CCDC192: variants seen among roughly 807,000 people sequenced by gnomAD.
CCDC192 encodes the protein coiled-coil domain containing 192.
At position 127,838,719 on chromosome 5, in the gene CCDC192, A is replaced by G. The variant is rs536365589; in HGVS notation, c.412-36819A>G. 2.0e-5 allele frequency: 3 copies of G among 152,336 alleles called. No individual in the cohort carries two copies. In the South Asian group the frequency reaches 6.2e-4, roughly 32 times the overall value. 9.4% of individuals were successfully genotyped at this position (152,336 alleles called of 1,614,324 possible). The stretch of plus-strand genomic sequence containing the variant: ...TGAAAAAGAAAATGAGGCTCAGAAG[A>G]TCAAGAGCGCTAAAAATGTACACAT... On this transcript the variant is annotated intron_variant, in intron 5 of 6. Coordinates refer to ENST00000514853, the MANE Select transcript of CCDC192 (RefSeq NM_001317938.2).
At chr5:127,824,022 A>G (rs1196591921) in intron 5 of CCDC192, among the ~76,000 whole-genome samples, 2 of 152,194 alleles carry the variant, frequency 1.3e-5, no homozygotes, top group African/African-American at 4.8e-5. Flanking sequence ...AAGGTTTCTA[A>G]CCATGAAGCA....
At chr5:127,885,850 T>C (rs1216955374) in intron 6 of CCDC192, among the ~76,000 whole-genome samples, 1 of 152,158 alleles carries the variant, frequency 6.6e-6, no homozygotes, top group East Asian at 1.9e-4. Context: ...TAATTTACTA[T>C]GGTATTCTAA....
chr5:127,797,775 A>ATATATATATTTATT (rs1757259786), intron 4 of CCDC192, among the ~76,000 whole-genome samples: 1 of 127,494 alleles, frequency 7.8e-6, no homozygotes. Flanking sequence ...ATATATATAT[A>ATATATATATTTATT]TATTTATTTA....
At chr5:127,756,932 G>C (rs1331560437) in intron 3 of CCDC192, among the ~76,000 whole-genome samples, 4 of 152,182 alleles carry the variant, frequency 2.6e-5, no homozygotes, top group Non-Finnish European at 4.4e-5. Context: ...TTCACAAATA[G>C]CTCCTAATAT....
At chr5:127,901,915 T>C (rs13187008) in intron 6 of CCDC192, among the ~76,000 whole-genome samples, 31,891 of 152,138 alleles carry the variant, frequency 0.21, 3,492 homozygotes, top group East Asian at 0.33. Context: ...CCCAAGTAAA[T>C]TGTGATGAAT....
At chr5:127,846,929 A>T (rs1392788607) in intron 5 of CCDC192, among the ~76,000 whole-genome samples, 1 of 151,662 alleles carries the variant, frequency 6.6e-6, no homozygotes, top group Non-Finnish European at 1.5e-5. Context: ...CCTTGGAAAA[A>T]GGTCGATTAA....
At chr5:127,819,296 A>G (rs1236180529) in intron 5 of CCDC192, among the ~76,000 whole-genome samples, 1 of 152,140 alleles carries the variant, frequency 6.6e-6, no homozygotes, top group East Asian at 1.9e-4. Context: ...AAAGAACTTC[A>G]GGGCTTGGGT....
chr5:127,736,674 A>C (rs1753017804), intron 2 of CCDC192, among the ~76,000 whole-genome samples: 1 of 151,916 alleles, frequency 6.6e-6, no homozygotes, highest in South Asian at 2.1e-4. Context: ...GTATGTGTCC[A>C]GGAATTTATC....
At chr5:127,766,233 T>A (rs897167328) in intron 3 of CCDC192, among the ~76,000 whole-genome samples, 1 of 152,028 alleles carries the variant, frequency 6.6e-6, no homozygotes, top group Non-Finnish European at 1.5e-5. Flanking sequence ...TCTGATCTGC[T>A]CAGTCAAGGA....
intron 3 of CCDC192, among the ~76,000 whole-genome samples, chr5:127,795,755 A>G (rs1419552258): frequency 2.6e-5 from 4 of 152,076 alleles, no homozygotes; most frequent in Admixed American, 2.0e-4. Flanking sequence ...TAATTTTTGT[A>G]CAAAATTGAG....
chr5:127,801,134 C>A (rs1757488661), intron 5 of CCDC192, among the ~76,000 whole-genome samples: 1 of 152,056 alleles, frequency 6.6e-6, no homozygotes, highest in Non-Finnish European at 1.5e-5. Context: ...GTGTGATCTG[C>A]TGGCGTGGCA....
chr5:127,900,619 A>AT (rs1488609276), intron 6 of CCDC192, among the ~76,000 whole-genome samples: 1 of 152,168 alleles, frequency 6.6e-6, no homozygotes, highest in Non-Finnish European at 1.5e-5. Context: ...AGCACAAATG[A>AT]TTTTTTTATT....
Position 127,856,853 on chromosome 5 carries a change from A to C in CCDC192, c.412-18685A>C, listed in dbSNP as rs935069101. On this transcript the variant is annotated intron_variant, in intron 5 of 6. Transcript: ENST00000514853. The stretch of plus-strand genomic sequence containing the variant: ...TATGGGTACAGTTTGTGGTGCCCCA[A>C]AACAATAACAATAGTAATATCAAAG... Among the ~76,000 whole-genome samples, 21 of 152,184 alleles carry C rather than the reference A, an allele frequency of 1.4e-4. 1 individual carries two copies. The highest frequency in any genetic ancestry group is 2.9e-5 in the Non-Finnish European group (2 of 68,022).
chr5:127,840,766 C>T (rs1750246956), intron 5 of CCDC192, among the ~76,000 whole-genome samples: 1 of 152,106 alleles, frequency 6.6e-6, no homozygotes, highest in Non-Finnish European at 1.5e-5. Context: ...GAAAGAGTTA[C>T]TAGAAGCAAT....
chr5:127,722,694 A>G (rs1752095919), intron 2 of CCDC192, among the ~76,000 whole-genome samples: 1 of 152,192 alleles, frequency 6.6e-6, no homozygotes, highest in South Asian at 2.1e-4. Flanking sequence ...CAGTTTTCCC[A>G]GCACCATTTA....
At chr5:127,815,731 G>A (rs1748986734) in intron 5 of CCDC192, among the ~76,000 whole-genome samples, 2 of 152,066 alleles carry the variant, frequency 1.3e-5, no homozygotes, top group Admixed American at 6.6e-5. Flanking sequence ...AGCCAGGCAT[G>A]GTGGCGGGCA....
chr5:127,805,864 T>G (rs1757754076), intron 5 of CCDC192, among the ~76,000 whole-genome samples: 1 of 152,224 alleles, frequency 6.6e-6, no homozygotes, highest in Non-Finnish European at 1.5e-5. Flanking sequence ...GGCTCATCTT[T>G]CCCATGCTGA....
chr5:127,857,854 G>A (rs761984280), intron 5 of CCDC192: 2 of 152,110 alleles, frequency 1.3e-5, no homozygotes, highest in Non-Finnish European at 2.9e-5. Context: ...ATTATTAAGG[G>A]TAACGTGTTG....
At position 127,761,921 on chromosome 5, in the gene CCDC192, C is replaced by T. The variant is rs17164675; in HGVS notation, c.222+7546C>T. ...TCCCATTATTTCTCTCTTAGTACAT[C>T]TTAGTGTCCAGTCTATCTTTTCTTT... On this transcript the variant is annotated intron_variant, in intron 3 of 6. Transcript: ENST00000514853. Among the ~76,000 whole-genome samples, 1,067 of 152,248 alleles carry T rather than the reference C, an allele frequency of 7.0e-3. 15 individuals carry two copies. The highest frequency in any genetic ancestry group is 0.024 in the African/African-American group (1,008 of 41,534).
Sources: allele counts gnomAD v4.1 joint callset (sites outside exome capture counted in the v4.1 genomes callset), GRCh38; gene constraint gnomAD v4.1.1; transcripts MANE v1.5; gene names NCBI Gene and HGNC (gene_info 2026-07-23, HGNC 2026-07-21).